The following SEMA3E variants were observed in gnomAD, a reference collection of about 807,000 sequenced individuals.
SEMA3E encodes the protein semaphorin 3E.
In SEMA3E, 49 loss-of-function variants were observed where a neutral mutation model predicts 93.6. That is an observed-to-expected ratio of 0.52 (90% confidence interval 0.42 to 0.66). The LOEUF (loss-of-function observed/expected upper bound fraction) is 0.66. Ranked by LOEUF, SEMA3E falls within the 30% of genes least tolerant of loss-of-function variation. The pLI is 0.00. For missense variants in SEMA3E, 906 were observed against 964.8 expected (o/e 0.94, Z 0.81); for synonymous variants, 363 against 330.7 (o/e 1.10, Z -1.06).
chr7:83,631,054 T>C (rs1325584443), intron 1 of SEMA3E, among the ~76,000 whole-genome samples: 1 of 152,134 alleles, frequency 6.6e-6, no homozygotes, highest in Non-Finnish European at 1.5e-5. Flanking sequence ...ATTCAAGTTA[T>C]AAAATTAAGC....
At chr7:83,427,193 T>G (rs368182238) in intron 4 of SEMA3E, among the ~76,000 whole-genome samples, 1 of 151,656 alleles carries the variant, frequency 6.6e-6, no homozygotes, top group South Asian at 2.1e-4. Context: ...CCTTCCTTCC[T>G]TTCCTTCTTT....
chr7:83,633,409 C>T (rs1355212905), intron 1 of SEMA3E, among the ~76,000 whole-genome samples: 1 of 152,156 alleles, frequency 6.6e-6, no homozygotes, highest in Non-Finnish European at 1.5e-5. Flanking sequence ...AATAAATTTG[C>T]TTCTACCACA....
At chr7:83,600,220 GTCAAAATTAGAACTCTGCT>G (rs1389373475) in intron 1 of SEMA3E, among the ~76,000 whole-genome samples, 2 of 151,794 alleles carry the variant, frequency 1.3e-5, no homozygotes, top group African/African-American at 4.8e-5. Flanking sequence ...TCTCATCTTT[GTCAAAATTAGAACTCTGCT>G]TCAAAGTCCA....
chr7:83,602,267 G>A (rs531643001), intron 1 of SEMA3E, among the ~76,000 whole-genome samples: 4 of 152,270 alleles, frequency 2.6e-5, no homozygotes, highest in African/African-American at 9.6e-5. Context: ...GCTAGGAAAT[G>A]TGAGAAAAAC....
At position 83,402,726 on chromosome 7, in the gene SEMA3E, C is replaced by G; in HGVS notation, c.1049G>C (p.Arg350Pro). The change falls in exon 10 of 17, where the codon CGG (arginine) becomes CCG (proline). Residue 350 changes from arginine to proline, a missense_variant. Coordinates refer to ENST00000643230, the MANE Select transcript of SEMA3E (RefSeq NM_012431.3). ...AICVYHMSSI[R>P]AAFNGPYAHK... ...TGCATATGGTCCGTTGAAGGCTGCC[C>G]GAATGCTAGACATGTGATAGACACA... 2 of 1,612,794 alleles carry G rather than the reference C, an allele frequency of 1.2e-6. No homozygotes were observed. Among genetic ancestry groups the G allele is most frequent in the Non-Finnish European group, 1.7e-6 (2 of 1,179,174 alleles).
chr7:83,543,183 A>G (rs1411024381), intron 1 of SEMA3E, among the ~76,000 whole-genome samples: 1 of 152,094 alleles, frequency 6.6e-6, no homozygotes, highest in Non-Finnish European at 1.5e-5. Flanking sequence ...ACATGGATTG[A>G]CAAAATGTTT....
At chr7:83,430,475 A>G (rs1336005018) in intron 4 of SEMA3E, among the ~76,000 whole-genome samples, 1 of 152,116 alleles carries the variant, frequency 6.6e-6, no homozygotes, top group African/African-American at 2.4e-5. Context: ...GCCCAGATGA[A>G]TACCACGGAA....
intron 2 of SEMA3E, among the ~76,000 whole-genome samples, chr7:83,486,142 A>G (rs1790247424): frequency 6.6e-6 from 1 of 152,058 alleles, no homozygotes; most frequent in Non-Finnish European, 1.5e-5. Context: ...CTCAGCCTTC[A>G]GAGTAGCTGG....
intron 1 of SEMA3E, among the ~76,000 whole-genome samples, chr7:83,562,464 TTTTATTTATTTATTTATTTA>T (rs149261610): frequency 5.5e-4 from 78 of 141,082 alleles, no homozygotes; most frequent in Middle Eastern, 3.7e-3. Flanking sequence ...TGAACTTCCT[TTTTATTTATTTATTTATTTA>T]TTTATTTATT....
intron 4 of SEMA3E, among the ~76,000 whole-genome samples, chr7:83,430,561 A>T (rs1379958207): frequency 6.6e-6 from 1 of 152,218 alleles, no homozygotes; most frequent in Admixed American, 6.5e-5. Flanking sequence ...CATTGCCCTT[A>T]GCAACCTAAG....
In SEMA3E at chr7:83,474,444, T is replaced by C. The variant is rs142546041; in HGVS notation, c.277-5142A>G. Among the ~76,000 whole-genome samples, 417 of 152,368 alleles carry C rather than the reference T, an allele frequency of 2.7e-3. 3 individuals are homozygous for C. Among genetic ancestry groups the C allele is most frequent in the African/African-American group, 9.3e-3 (387 of 41,588 alleles). ...AGTTTTTTACTAACAATATTCAGCA[T>C]CATGTGTTCTTTAATTTTCATAGTG... is the stretch of plus-strand genomic sequence containing the variant. On this transcript the variant is annotated intron_variant, in intron 2 of 16. Transcript: ENST00000643230.
intron 1 of SEMA3E, among the ~76,000 whole-genome samples, chr7:83,520,859 C>G (rs761209987): frequency 4.2e-4 from 64 of 152,144 alleles, no homozygotes; most frequent in Non-Finnish European, 6.2e-4. Flanking sequence ...GATACCTGCC[C>G]TAGAGAATAA....
chr7:83,450,161 C>G (rs553270146), intron 4 of SEMA3E, among the ~76,000 whole-genome samples: 1 of 152,276 alleles, frequency 6.6e-6, no homozygotes, highest in Admixed American at 6.5e-5. Flanking sequence ...AAAACTTATA[C>G]ACCACTTGTG....
At chr7:83,604,050 C>G (rs1301569296) in intron 1 of SEMA3E, among the ~76,000 whole-genome samples, 1 of 152,078 alleles carries the variant, frequency 6.6e-6, no homozygotes, top group East Asian at 1.9e-4. Context: ...TCCCTAATTG[C>G]ATGGTTCTCT....
intron 1 of SEMA3E, among the ~76,000 whole-genome samples, chr7:83,520,779 C>T (rs987040781): frequency 6.6e-6 from 1 of 152,192 alleles, no homozygotes; most frequent in South Asian, 2.1e-4. Context: ...AATTTTAAGT[C>T]ATACTTGGGG....
intron 16 of SEMA3E, among the ~76,000 whole-genome samples, chr7:83,374,794 A>T (rs1794798580): frequency 6.6e-6 from 1 of 152,194 alleles, no homozygotes; most frequent in Non-Finnish European, 1.5e-5. Flanking sequence ...ACAGATGCAT[A>T]TGGAGAAACA....
intron 4 of SEMA3E, among the ~76,000 whole-genome samples, chr7:83,423,504 ATT>A (rs71074656): frequency 1.1e-4 from 15 of 138,906 alleles, no homozygotes; most frequent in African/African-American, 2.1e-4. Context: ...ACTATGAAGA[ATT>A]TTTTTTTTTT....
intron 1 of SEMA3E, among the ~76,000 whole-genome samples, chr7:83,574,417 A>G (rs1792356740): frequency 6.6e-6 from 1 of 151,678 alleles, no homozygotes; most frequent in Non-Finnish European, 1.5e-5. Flanking sequence ...ACAATGAGTG[A>G]GGCCATACAC....
At chr7:83,626,940 T>C (rs796349194) in intron 1 of SEMA3E, among the ~76,000 whole-genome samples, 6 of 152,342 alleles carry the variant, frequency 3.9e-5, no homozygotes, top group African/African-American at 1.2e-4. Context: ...AACTTATTTA[T>C]TTCTGCCTTA....
Sources: allele counts gnomAD v4.1 joint callset (sites outside exome capture counted in the v4.1 genomes callset), GRCh38; gene constraint gnomAD v4.1.1; transcripts MANE v1.5; gene names NCBI Gene and HGNC (gene_info 2026-07-23, HGNC 2026-07-21).